The following RRP15 variants were observed in gnomAD, a reference collection of about 807,000 sequenced individuals.
RRP15 encodes the protein RRP15-like protein.
A neutral mutation model predicts 27.1 loss-of-function variants in RRP15; 18 were observed. The ratio of observed to expected loss-of-function variants is 0.66; its 90% CI spans 0.46 to 0.98. RRP15 has a LOEUF of 0.98. Ranked by LOEUF, RRP15 falls within the 50% of genes least tolerant of loss-of-function variation. RRP15 has a pLI of 0.00. For synonymous variants in RRP15, 107 were observed against 109.4 expected (o/e 0.98, Z 0.14); for missense variants, 359 against 337.8 (o/e 1.06, Z -0.49).
At position 218,331,128 on chromosome 1, in the gene RRP15, T is replaced by TC; in HGVS notation, c.*37_*38insC. ...AAATACAATTGCAGTCGTTTTATTT[T>TC]TTCTAGAAAAATATGTCATCCTCTG... On this transcript the variant is annotated 3_prime_UTR_variant, in exon 5 of 5. Transcript: ENST00000366932. 6.4e-7 allele frequency: 1 copy of TC among 1,574,302 alleles called. No individual in the cohort carries two copies. Among genetic ancestry groups the TC allele is most frequent in the Non-Finnish European group, 8.6e-7 (1 of 1,157,522 alleles).
At chr1:218,292,929 T>C (rs1655668571) in intron 1 of RRP15, among the ~76,000 whole-genome samples, 1 of 152,210 alleles carries the variant, frequency 6.6e-6, no homozygotes, top group African/African-American at 2.4e-5. Context: ...CTTAAATGTC[T>C]CCTCCACTTT....
chr1:218,294,143 C>G (rs949146534), intron 1 of RRP15, among the ~76,000 whole-genome samples: 8 of 152,120 alleles, frequency 5.3e-5, no homozygotes, highest in African/African-American at 1.4e-4. Context: ...GTGCTTTTCT[C>G]TATTTTCTCA....
At chr1:218,326,772 A>T (rs559457650) in intron 4 of RRP15, among the ~76,000 whole-genome samples, 3 of 152,172 alleles carry the variant, frequency 2.0e-5, no homozygotes, top group African/African-American at 7.2e-5. Flanking sequence ...TTCTATACCT[A>T]TGCTTTCATC....
intron 4 of RRP15, among the ~76,000 whole-genome samples, chr1:218,323,970 C>T (rs1357593023): frequency 6.6e-6 from 1 of 152,200 alleles, no homozygotes; most frequent in African/African-American, 2.4e-5. Flanking sequence ...AGAGTGCAGC[C>T]ATACCTAGGT....
intron 3 of RRP15, 32 bp downstream of exon 3, chr1:218,305,157 A>G: frequency 1.3e-6 from 2 of 1,498,128 alleles, no homozygotes; most frequent in Non-Finnish European, 1.9e-6. Flanking sequence ...TTAAAAAATA[A>G]GTATACTAAA....
chr1:218,296,479 C>T (rs1015856887), intron 1 of RRP15, among the ~76,000 whole-genome samples: 1 of 151,752 alleles, frequency 6.6e-6, no homozygotes, highest in Non-Finnish European at 1.5e-5. Context: ...CATAGTGAGA[C>T]TTCATCTCTA....
chr1:218,302,290 A>G lies in RRP15; in HGVS notation c.140-4A>G, dbSNP rs761407706. 2 of 1,610,026 alleles carry G rather than the reference A, an allele frequency of 1.2e-6. No individual in the cohort carries two copies. The highest frequency in any genetic ancestry group is 8.5e-7 in the Non-Finnish European group (1 of 1,177,102). On this transcript the variant is annotated splice_polypyrimidine_tract_variant and splice_region_variant and intron_variant, in intron 1 of 4. Transcript: ENST00000366932. ...TAATTTGCCTTTACTCTTTGGTTCT[A>G]TAGGAAGCTGTGGATCGGAAAAGGA...
chr1:218,327,821 C>T (rs995966576), intron 4 of RRP15, among the ~76,000 whole-genome samples: 3 of 152,084 alleles, frequency 2.0e-5, no homozygotes, highest in African/African-American at 7.2e-5. Context: ...TTTACAAAAT[C>T]GAATATTAGA....
chr1:218,325,545 T>C (rs1275878464), intron 4 of RRP15, among the ~76,000 whole-genome samples: 1 of 152,240 alleles, frequency 6.6e-6, no homozygotes, highest in East Asian at 1.9e-4. Flanking sequence ...TGTCTATTGC[T>C]TCCTTGCTTT....
At chr1:218,323,928 G>A (rs556113329) in intron 4 of RRP15, among the ~76,000 whole-genome samples, 1 of 152,198 alleles carries the variant, frequency 6.6e-6, no homozygotes, top group Non-Finnish European at 1.5e-5. Flanking sequence ...GCCTGCAGGG[G>A]CAGGGGGCGC....
At chr1:218,325,240 G>A (rs976074831) in intron 4 of RRP15, among the ~76,000 whole-genome samples, 2 of 152,220 alleles carry the variant, frequency 1.3e-5, no homozygotes, top group African/African-American at 4.8e-5. Context: ...TCCTTCATGC[G>A]TGATGTGTAG....
chr1:218,289,963 T>C (rs573090825), intron 1 of RRP15, among the ~76,000 whole-genome samples: 1 of 152,356 alleles, frequency 6.6e-6, no homozygotes, highest in Non-Finnish European at 1.5e-5. Context: ...ATTACAGGCA[T>C]GAGCCACTGT....
rs534766236 is a variant in RRP15 at position 218,302,785 on chromosome 1, A to T, written c.405+226A>T. Reference sequence around the variant, plus strand: ...TGCAAAGGCAAAGTAATAGAAATGTAAACGCTGAGGAAACATCTTTTTAAA... The same window carrying T: ...TGCAAAGGCAAAGTAATAGAAATGTTAACGCTGAGGAAACATCTTTTTAAA... On this transcript the variant is annotated intron_variant, in intron 2 of 4. Transcript: ENST00000366932. The T allele has an allele frequency of 7.3e-5, 37 of 509,332 alleles. No homozygotes were observed. In the East Asian group the frequency reaches 1.3e-3, roughly 18 times the overall value. The allele number at this position is 509,332 out of a possible 1,614,324, so 31.6% of individuals were successfully genotyped here.
intron 4 of RRP15, among the ~76,000 whole-genome samples, chr1:218,318,952 T>C (rs1328930906): frequency 1.3e-5 from 2 of 152,186 alleles, no homozygotes; most frequent in Non-Finnish European, 2.9e-5. Flanking sequence ...CTGACACTTT[T>C]CAAGAGATGA....
At chr1:218,285,597 G>T in intron 1 of RRP15, 142 bp downstream of exon 1, 1 of 1,022,012 alleles carries the variant, frequency 9.8e-7, no homozygotes, top group Non-Finnish European at 1.5e-6. Context: ...TTGGCTTAGT[G>T]AGGAGGCTTG....
At chr1:218,324,531 C>T (rs1428620884) in intron 4 of RRP15, among the ~76,000 whole-genome samples, 1 of 152,246 alleles carries the variant, frequency 6.6e-6, no homozygotes, top group Non-Finnish European at 1.5e-5. Context: ...CTGCACCTCC[C>T]TGCTGCAACT....
At chr1:218,287,155 T>G (rs1211389065) in intron 1 of RRP15, among the ~76,000 whole-genome samples, 2 of 149,934 alleles carry the variant, frequency 1.3e-5, no homozygotes, top group African/African-American at 4.9e-5. Context: ...TTTTTTTTTT[T>G]TTTTTGGTAG....
Position 218,330,955 on chromosome 1 carries a change from T to C in RRP15, c.713T>C (p.Val238Ala). Reference protein sequence around the residue: ...RKKPKAKQTEVKSEEGPGWTI... With the variant: ...RKKPKAKQTEAKSEEGPGWTI... ...TTCTATAATTTTCCTTAGACTGAAGTGAAATCAGAAGAAGGCCCAGGTTGG... is the reference window on the plus strand; with the variant it reads ...TTCTATAATTTTCCTTAGACTGAAGCGAAATCAGAAGAAGGCCCAGGTTGG... The change falls in exon 5 of 5, where the codon GTG (valine) becomes GCG (alanine). Residue 238 changes from valine (V) to alanine (A), a missense_variant. Transcript: ENST00000366932. 6.2e-7 allele frequency: 1 copy of C among 1,611,284 alleles called. No individual in the cohort carries two copies. Among genetic ancestry groups the C allele is most frequent in the Non-Finnish European group, 8.5e-7 (1 of 1,178,234 alleles).
At chr1:218,323,834 C>T (rs1420287248) in intron 4 of RRP15, among the ~76,000 whole-genome samples, 1 of 152,188 alleles carries the variant, frequency 6.6e-6, no homozygotes, top group Non-Finnish European at 1.5e-5. Context: ...TAACAGTGCC[C>T]GGGTTCCGCT....
Sources: allele counts gnomAD v4.1 joint callset (sites outside exome capture counted in the v4.1 genomes callset), GRCh38; gene constraint gnomAD v4.1.1; transcripts MANE v1.5; gene names NCBI Gene and HGNC (gene_info 2026-07-23, HGNC 2026-07-21).